Variants in COL14A1 observed in about 807,000 individuals in gnomAD.
COL14A1 encodes collagen alpha-1(XIV) chain.
In COL14A1, 136 loss-of-function variants were observed where a neutral mutation model predicts 230.3. The ratio of observed to expected loss-of-function variants is 0.59; its 90% CI spans 0.51 to 0.68. The LOEUF is 0.68. Among genes scored for constraint, COL14A1 ranks in the 30% least tolerant of loss-of-function variants. The pLI is 0.00. For missense variants in COL14A1, 1,976 were observed against 2,215.8 expected (o/e 0.89, Z 2.17); for synonymous variants, 792 against 784.1 (o/e 1.01, Z -0.17).
intron 30 of COL14A1, 23 bp from the exon 31 acceptor site, chr8:120,280,898 T>C (rs763760846): frequency 6.8e-7 from 1 of 1,474,698 alleles, no homozygotes. Flanking sequence ...TTTATTCTTT[T>C]TCTACTTTTT....
At chr8:120,289,820 TA>T in intron 34 of COL14A1, 54 bp downstream of exon 34, 1 of 1,541,448 alleles carries the variant, frequency 6.5e-7, no homozygotes, top group Non-Finnish European at 8.8e-7. Flanking sequence ...GAAATTATTT[TA>T]AAGTACATTA....
chr8:120,154,834 G>T (rs994736329), intron 2 of COL14A1, among the ~76,000 whole-genome samples: 1 of 152,112 alleles, frequency 6.6e-6, no homozygotes, highest in East Asian at 1.9e-4. Flanking sequence ...AAAATCATGG[G>T]TCTGGTATAA....
At chr8:120,312,408 T>C (rs543724243) in intron 37 of COL14A1, among the ~76,000 whole-genome samples, 1 of 152,318 alleles carries the variant, frequency 6.6e-6, no homozygotes, top group South Asian at 2.1e-4. Context: ...TTCCATAGAT[T>C]AGAGTTTAAT....
At chr8:120,199,350 G>T in intron 7 of COL14A1, 52 bp from the exon 8 acceptor site, 1 of 1,474,794 alleles carries the variant, frequency 6.8e-7, no homozygotes, top group Admixed American at 2.7e-5. Flanking sequence ...GAAGAATTAG[G>T]AGACTTTTTA....
chr8:120,228,836 T>C, intron 18 of COL14A1, 67 bp downstream of exon 18: 1 of 1,317,590 alleles, frequency 7.6e-7, no homozygotes, highest in Non-Finnish European at 1.1e-6. Context: ...TATATTATCC[T>C]GGTTTTATTT....
chr8:120,302,246 C>A (rs1010468399), intron 36 of COL14A1, among the ~76,000 whole-genome samples: 2 of 152,130 alleles, frequency 1.3e-5, no homozygotes, highest in African/African-American at 2.4e-5. Context: ...ATAATTAGAG[C>A]CCATTTGTAA....
At chr8:120,246,619 A>C (rs1180736145) in intron 20 of COL14A1, among the ~76,000 whole-genome samples, 1 of 152,202 alleles carries the variant, frequency 6.6e-6, no homozygotes, top group East Asian at 1.9e-4. Context: ...TAGTATGAAA[A>C]TAGGGCTTAA....
chr8:120,181,789 A>C (rs182326141), intron 5 of COL14A1, among the ~76,000 whole-genome samples: 13 of 151,936 alleles, frequency 8.6e-5, no homozygotes, highest in Non-Finnish European at 1.8e-4. Flanking sequence ...AGACCCCCCC[A>C]AAAAATACAA....
intron 19 of COL14A1, among the ~76,000 whole-genome samples, chr8:120,243,018 T>C (rs914728368): frequency 6.6e-6 from 1 of 152,190 alleles, no homozygotes; most frequent in Non-Finnish European, 1.5e-5. Flanking sequence ...AGTTCTTACA[T>C]CCTAGCACTT....
chr8:120,189,469 AT>A (rs1404250421), intron 5 of COL14A1, among the ~76,000 whole-genome samples: 1 of 151,362 alleles, frequency 6.6e-6, no homozygotes, highest in Non-Finnish European at 1.5e-5. Context: ...TTTAATTAAA[AT>A]TTTTTTATTT....
chr8:120,166,427 G>T (rs931334218), intron 4 of COL14A1, among the ~76,000 whole-genome samples: 2 of 152,116 alleles, frequency 1.3e-5, no homozygotes, highest in African/African-American at 4.8e-5. Flanking sequence ...TCTTTTAAAT[G>T]TGTCTTGTCA....
At chr8:120,245,688 T>G (rs1818739868) in intron 20 of COL14A1, among the ~76,000 whole-genome samples, 1 of 152,116 alleles carries the variant, frequency 6.6e-6, no homozygotes, top group East Asian at 1.9e-4. Flanking sequence ...GCTGGGCTGG[T>G]CTGGATGTTA....
chr8:120,244,019 C>G lies in COL14A1; in HGVS notation c.2479+11C>G. ...CTCCTGGAAAAACCTGTAAGTGAAG[C>G]TTTCTCCCTTTGAATACAAGCCGAC... On this transcript the variant is annotated intron_variant, in intron 20 of 47. Coordinates refer to ENST00000297848, the MANE Select transcript of COL14A1 (RefSeq NM_021110.4). 2 of 1,608,642 alleles carry G rather than the reference C, an allele frequency of 1.2e-6. No homozygotes were observed. Among genetic ancestry groups the G allele is most frequent in the Non-Finnish European group, 1.7e-6 (2 of 1,177,514 alleles).
intron 45 of COL14A1, among the ~76,000 whole-genome samples, chr8:120,361,058 TCA>T (rs1823193485): frequency 6.6e-6 from 1 of 151,492 alleles, no homozygotes; most frequent in Non-Finnish European, 1.5e-5. Flanking sequence ...TGGGCTCCAG[TCA>T]CATTTTTTTT....
intron 1 of COL14A1, among the ~76,000 whole-genome samples, chr8:120,132,206 CT>C: frequency 6.6e-6 from 1 of 152,064 alleles, no homozygotes; most frequent in African/African-American, 2.4e-5. Context: ...ACATTTAAGC[CT>C]TTAATCTATT....
At chr8:120,234,289 T>C (rs1009744535) in intron 19 of COL14A1, among the ~76,000 whole-genome samples, 3 of 152,190 alleles carry the variant, frequency 2.0e-5, no homozygotes, top group African/African-American at 4.8e-5. Flanking sequence ...CTCTTCCTAT[T>C]TGAATACCCT....
chr8:120,291,010 G>C (rs1426636125), intron 34 of COL14A1, among the ~76,000 whole-genome samples: 1 of 152,156 alleles, frequency 6.6e-6, no homozygotes, highest in Non-Finnish European at 1.5e-5. Context: ...GAAAGCTATG[G>C]AAGGCTCTCT....
Position 120,182,515 on chromosome 8 carries a change from CCAGA to C in COL14A1, c.436+14269_436+14272del, listed in dbSNP as rs1457704938. On this transcript the variant is annotated intron_variant, in intron 5 of 47. Coordinates refer to ENST00000297848, the MANE Select transcript of COL14A1 (RefSeq NM_021110.4). ...TTAAATGACCAAAGTAAACATACAGCCAGATCATGTAGTATTATATACACAGAGC... is the reference window on the plus strand; with the variant it reads ...TTAAATGACCAAAGTAAACATACAGCTCATGTAGTATTATATACACAGAGC... Among the ~76,000 whole-genome samples the C allele has an allele frequency of 2.6e-5, 4 of 152,112 alleles. No homozygotes were observed. In the East Asian group the frequency reaches 7.7e-4, roughly 29 times the overall value.
At chr8:120,274,462 GGAA>G (rs1819777374) in intron 26 of COL14A1, among the ~76,000 whole-genome samples, 1 of 151,800 alleles carries the variant, frequency 6.6e-6, no homozygotes, top group African/African-American at 2.4e-5. Context: ...AGATAGTACT[GGAA>G]GTCCTAGCCA....
Sources: allele counts gnomAD v4.1 joint callset (sites outside exome capture counted in the v4.1 genomes callset), GRCh38; gene constraint gnomAD v4.1.1; transcripts MANE v1.5; gene names NCBI Gene and HGNC (gene_info 2026-07-23, HGNC 2026-07-21).